The following BRSK1 variants were observed in gnomAD, a reference collection of about 807,000 sequenced individuals.
BRSK1 encodes the protein BR serine/threonine kinase 1, also known as serine/threonine-protein kinase BRSK1.
A neutral mutation model predicts 86.2 loss-of-function variants in BRSK1; 17 were observed. The observed-to-expected ratio is 0.20, with a 90% CI of 0.14 to 0.30. BRSK1 has a LOEUF of 0.30. Among genes scored for constraint, BRSK1 ranks in the 10% least tolerant of loss-of-function variants. The pLI, the probability that BRSK1 is intolerant of heterozygous loss-of-function variation, is 1.00. For synonymous variants in BRSK1, 464 were observed against 440.1 expected (o/e 1.05, Z -0.68); for missense variants, 719 against 1,071.9 (o/e 0.67, Z 4.60).
At chr19:55,289,330 C>T in intron 3 of BRSK1, 150 bp from the exon 4 acceptor site, 1 of 903,878 alleles carries the variant, frequency 1.1e-6, no homozygotes, top group Non-Finnish European at 1.6e-6. Flanking sequence ...GTCTCTTCCT[C>T]CCAGGGACCC....
intron 1 of BRSK1, among the ~76,000 whole-genome samples, chr19:55,285,225 G>A (rs1464696890): frequency 1.3e-5 from 2 of 150,058 alleles, no homozygotes; most frequent in African/African-American, 4.9e-5. Flanking sequence ...AGGGGCAGGG[G>A]TGCTGAACTC....
rs1320389858 is a variant in BRSK1 at position 55,304,914 on chromosome 19, A to G, written c.1711A>G (p.Met571Val). ...CTCCCCTCGCTTTCACCGGCGCAAG[A>G]TGCAGGGTATGGGGGCATGAACTGC... ...LGSPRFHRRK[M>V]QVPTAEEMSS... The change falls in exon 14 of 19, where the codon ATG (methionine) becomes GTG (valine). Residue 571 changes from methionine (M) to valine (V), a missense_variant. This residue lies in a region of BRSK1 where 180 missense variants were observed against 259.4 expected (regional missense o/e 0.69). Transcript: ENST00000309383. This position sits in a 1 kb window ranked among gnomAD's most constrained non-coding sequence, Gnocchi z 5.2. 6.2e-7 allele frequency: 1 copy of G among 1,607,330 alleles called. No individual in the cohort carries two copies. The highest frequency in any genetic ancestry group is 1.3e-5 in the African/African-American group (1 of 74,818).
rs1317205678 is a variant in BRSK1, at chr19:55,302,166, C to T, written c.855C>T (p.Tyr285=). 1.2e-6 allele frequency: 2 copies of T among 1,614,116 alleles called. No individual in the cohort carries two copies. Among genetic ancestry groups the T allele is most frequent in the Admixed American group, 3.3e-5 (2 of 60,012 alleles). ...AGCAAATTCAGAAACATCCTTGGTACCTGTGAGTATGGGGTAACTGGACTC... is the reference window on the plus strand; with the variant it reads ...AGCAAATTCAGAAACATCCTTGGTATCTGTGAGTATGGGGTAACTGGACTC... ...SLEQIQKHPW[Y]LGGKHEPDPC... is the part of the protein sequence containing the mutation. The change falls in exon 9 of 19, where the codon TAC becomes TAT. Residue 285 remains tyrosine (Y), a splice_region_variant and synonymous_variant. Transcript: ENST00000309383. The surrounding 1 kb of genome is among the most constrained non-coding windows in gnomAD (Gnocchi z 6.3).
intron 4 of BRSK1, among the ~76,000 whole-genome samples, chr19:55,293,330 CA>C (rs1461645192): frequency 6.6e-6 from 1 of 151,624 alleles, no homozygotes; most frequent in African/African-American, 2.4e-5. Context: ...GACTTCGTCT[CA>C]AAAAAAATAA....
chr19:55,304,604 C>T lies in BRSK1; in HGVS notation c.1401C>T (p.Gly467=). 1 of 1,575,638 alleles carries T rather than the reference C, an allele frequency of 6.3e-7. No homozygotes were observed. The part of the protein sequence containing the change: ...PEPGAGDEAR[G]GGSPTSKTQT... Reference sequence around the variant, plus strand: ...CGGGGGCTGGAGATGAGGCTCGAGGCGGGGGCTCCCCGACTTCCAAAACGC... The same window carrying T: ...CGGGGGCTGGAGATGAGGCTCGAGGTGGGGGCTCCCCGACTTCCAAAACGC... The change falls in exon 14 of 19, where the codon GGC becomes GGT. Residue 467 remains glycine, a synonymous_variant. Transcript: ENST00000309383. This position sits in a 1 kb window ranked among gnomAD's most constrained non-coding sequence, Gnocchi z 5.2.
intron 7 of BRSK1, among the ~76,000 whole-genome samples, chr19:55,295,206 T>C (rs977100838): frequency 6.6e-6 from 1 of 152,108 alleles, no homozygotes; most frequent in Non-Finnish European, 1.5e-5. Flanking sequence ...CACTGCAGTC[T>C]CAATCTCCCA....
At chr19:55,309,459 A>G (rs1311039998) in intron 18 of BRSK1, among the ~76,000 whole-genome samples, 6 of 152,198 alleles carry the variant, frequency 3.9e-5, no homozygotes, top group Admixed American at 3.3e-4. Flanking sequence ...AATAACAGAA[A>G]TTTATTGCTG....
At chr19:55,305,623 C>A (rs749798170) in intron 16 of BRSK1, 37 bp downstream of exon 16, 3 of 1,612,828 alleles carry the variant, frequency 1.9e-6, no homozygotes, top group African/African-American at 2.7e-5. Context: ...CTGGCCCCCG[C>A]AGAACTACAA....
chr19:55,305,219 C>G (rs560843502), intron 14 of BRSK1, 102 bp from the exon 15 acceptor site: 1 of 1,489,376 alleles, frequency 6.7e-7, no homozygotes, highest in East Asian at 2.4e-5. Flanking sequence ...AGGCTGCAAC[C>G]CAAGGCTCTG....
chr19:55,311,782 C>A, intron 18 of BRSK1, 129 bp from the exon 19 acceptor site: 1 of 953,998 alleles, frequency 1.0e-6, no homozygotes, highest in Non-Finnish European at 1.5e-6. Context: ...TGGGCCTTAT[C>A]AGGGATTGGA....
Position 55,294,991 on chromosome 19 carries a change from G to A in BRSK1, c.678+594G>A, listed in dbSNP as rs1421925317. The stretch of plus-strand genomic sequence containing the variant: ...TAATTTTTGTATCTTTAGTAGAGAC[G>A]GGGTTTCACCATGTTGGCCAGGTTG... On this transcript the variant is annotated intron_variant, in intron 7 of 18. Coordinates refer to ENST00000309383, the MANE Select transcript of BRSK1 (RefSeq NM_032430.2). The surrounding 1 kb of genome is among the most constrained non-coding windows in gnomAD (Gnocchi z 4.9). 6.6e-6 allele frequency among the ~76,000 whole-genome samples: 1 copy of A among 151,974 alleles called. No homozygotes were observed. The highest frequency in any genetic ancestry group is 2.4e-5 in the African/African-American group (1 of 41,352).
rs987861554 is a variant in BRSK1 at position 55,311,849 on chromosome 19, T to C, written c.2180-62T>C. On this transcript the variant is annotated intron_variant, in intron 18 of 18. Coordinates refer to ENST00000309383, the MANE Select transcript of BRSK1 (RefSeq NM_032430.2). Reference sequence around the variant, plus strand: ...ATGAGGAGACTCTGCCCCCATCCCCTGGTAATGGGAACCCCAACCCTGGGC... The same window carrying C: ...ATGAGGAGACTCTGCCCCCATCCCCCGGTAATGGGAACCCCAACCCTGGGC... 1.9e-4 allele frequency: 291 copies of C among 1,564,132 alleles called. 1 individual carries two copies. The highest frequency in any genetic ancestry group is 2.4e-4 in the Non-Finnish European group (277 of 1,150,344).
chr19:55,303,882 G>T lies in BRSK1; in HGVS notation c.1286+56G>T. ...ACAATCCCTGGGTCTAGGAGTTCAA[G>T]ATTCTAACCCCAGCTCTACCTCAAA... On this transcript the variant is annotated intron_variant, in intron 12 of 18. Transcript: ENST00000309383. The surrounding 1 kb of genome is among the most constrained non-coding windows in gnomAD (Gnocchi z 5.1). 3 of 1,532,828 alleles carry T rather than the reference G, an allele frequency of 2.0e-6. No individual in the cohort carries two copies. Among genetic ancestry groups the T allele is most frequent in the East Asian group, 2.3e-5 (1 of 44,210 alleles). 95.0% of individuals were successfully genotyped at this position (1,532,828 alleles called of 1,614,324 possible). A position where few individuals can be genotyped will look rare whatever the true frequency, so the allele number is the denominator to read the frequency against.
At chr19:55,286,685 G>C (rs867672905) in intron 1 of BRSK1, among the ~76,000 whole-genome samples, 2 of 150,024 alleles carry the variant, frequency 1.3e-5, no homozygotes, top group Non-Finnish European at 2.9e-5. Context: ...AGACAGACTC[G>C]GGGAGACACG....
chr19:55,294,509 T>G lies in BRSK1; in HGVS notation c.678+112T>G. The G allele has an allele frequency of 3.0e-6, 4 of 1,319,650 alleles. No homozygotes were observed. Among genetic ancestry groups the G allele is most frequent in the Non-Finnish European group, 4.2e-6 (4 of 962,732 alleles). 81.7% of individuals were successfully genotyped at this position (1,319,650 alleles called of 1,614,324 possible). ...TCCTGAATTTATTTATGAATTTTATTTATTTATTTTGAGACAGAGTCTTGC... is the reference window on the plus strand; with the variant it reads ...TCCTGAATTTATTTATGAATTTTATGTATTTATTTTGAGACAGAGTCTTGC... On this transcript the variant is annotated intron_variant, in intron 7 of 18. Transcript: ENST00000309383. The surrounding 1 kb of genome is among the most constrained non-coding windows in gnomAD (Gnocchi z 4.9).
chr19:55,305,312 C>G lies in BRSK1; in HGVS notation c.1718-9C>G, dbSNP rs552351309. 1 of 1,613,992 alleles carries G rather than the reference C, an allele frequency of 6.2e-7. No homozygotes were observed. Among genetic ancestry groups the G allele is most frequent in the African/African-American group, 1.3e-5 (1 of 75,016 alleles). ...GTGTTGACCACGTTCTCTGCCTTCCCCCTACCAGTCCCTACCGCTGAGGAG... is the reference window on the plus strand; with the variant it reads ...GTGTTGACCACGTTCTCTGCCTTCCGCCTACCAGTCCCTACCGCTGAGGAG... On this transcript the variant is annotated splice_polypyrimidine_tract_variant and intron_variant, in intron 14 of 18. Coordinates refer to ENST00000309383, the MANE Select transcript of BRSK1 (RefSeq NM_032430.2).
Position 55,286,654 on chromosome 19 carries a change from G to C in BRSK1, c.137-353G>C, listed in dbSNP as rs187662927. ...ATTGATGGAGAGAGACAGAGAAAGT[G>C]GGGGGGCGGGGGCTTGGAGGAGACA... On this transcript the variant is annotated intron_variant, in intron 1 of 18. Coordinates refer to ENST00000309383, the MANE Select transcript of BRSK1 (RefSeq NM_032430.2). 6.7e-3 allele frequency among the ~76,000 whole-genome samples: 1,009 copies of C among 151,716 alleles called. 6 individuals carry two copies. Among genetic ancestry groups the C allele is most frequent in the African/African-American group, 0.021 (852 of 41,288 alleles).
chr19:55,299,759 A>G (rs539823368), intron 7 of BRSK1, among the ~76,000 whole-genome samples: 9 of 152,196 alleles, frequency 5.9e-5, no homozygotes, highest in African/African-American at 1.9e-4. Flanking sequence ...GAGGAGAGGA[A>G]ACTGAGGCTC....
At chr19:55,308,551 T>C (rs1447350674) in intron 17 of BRSK1, 88 bp from the exon 18 acceptor site, 1 of 884,126 alleles carries the variant, frequency 1.1e-6, no homozygotes, top group East Asian at 2.8e-5. Context: ...GTTGTGTGCT[T>C]GGTGGAGGGA....
Sources: allele counts gnomAD v4.1 joint callset (sites outside exome capture counted in the v4.1 genomes callset), GRCh38; gene constraint gnomAD v4.1.1; regional missense constraint gnomAD v4.1.1; non-coding constraint Gnocchi (gnomAD v3.1); transcripts MANE v1.5; gene names NCBI Gene and HGNC (gene_info 2026-07-23, HGNC 2026-07-21).